MTSS1: variants seen among roughly 807,000 people sequenced by gnomAD.
MTSS1 encodes the protein MTSS I-BAR domain containing 1, also known as protein MTSS 1.
A neutral mutation model predicts 79.0 loss-of-function variants in MTSS1; 18 were observed. The ratio of observed to expected loss-of-function variants is 0.23; its 90% CI spans 0.16 to 0.34. The LOEUF (loss-of-function observed/expected upper bound fraction) is 0.34. Ranked by LOEUF, MTSS1 falls within the 10% of genes least tolerant of loss-of-function variation. The pLI is 1.00. For missense variants in MTSS1, 815 were observed against 986.2 expected (o/e 0.83, Z 2.33); for synonymous variants, 341 against 368.6 (o/e 0.93, Z 0.86).
intron 3 of MTSS1, among the ~76,000 whole-genome samples, chr8:124,623,123 A>G (rs1290032198): frequency 2.0e-5 from 3 of 152,242 alleles, no homozygotes; most frequent in Non-Finnish European, 4.4e-5. Flanking sequence ...AAGGATTCCA[A>G]TAAGAAGTCT....
chr8:124,703,276 GTTTTA>G (rs1420627236), intron 2 of MTSS1, among the ~76,000 whole-genome samples: 1 of 152,024 alleles, frequency 6.6e-6, no homozygotes, highest in East Asian at 1.9e-4. Flanking sequence ...TCAACACAAG[GTTTTA>G]TTTTATTTTA....
At chr8:124,612,440 G>C (rs748826041) in intron 3 of MTSS1, among the ~76,000 whole-genome samples, 14 of 152,200 alleles carry the variant, frequency 9.2e-5, no homozygotes, top group Non-Finnish European at 1.8e-4. Context: ...CAGTCCCTGA[G>C]ATGCTGGTTT....
At chr8:124,635,142 A>T (rs185933559) in intron 3 of MTSS1, among the ~76,000 whole-genome samples, 1 of 152,286 alleles carries the variant, frequency 6.6e-6, no homozygotes, top group Admixed American at 6.5e-5. Flanking sequence ...CCCTCCAAAC[A>T]TCACTTCCTT....
At chr8:124,620,700 C>G (rs1243064282) in intron 3 of MTSS1, among the ~76,000 whole-genome samples, 1 of 152,172 alleles carries the variant, frequency 6.6e-6, no homozygotes, top group Non-Finnish European at 1.5e-5. Flanking sequence ...TGACCACAGG[C>G]TGAGCACAGA....
intron 1 of MTSS1, among the ~76,000 whole-genome samples, chr8:124,706,134 T>C (rs1235238626): frequency 6.6e-6 from 1 of 152,246 alleles, no homozygotes; most frequent in Non-Finnish European, 1.5e-5. Context: ...GAGCACTCAT[T>C]ATAACAAGGA....
chr8:124,647,879 A>G (rs545705153), intron 3 of MTSS1, among the ~76,000 whole-genome samples: 1 of 152,226 alleles, frequency 6.6e-6, no homozygotes, highest in Non-Finnish European at 1.5e-5. Flanking sequence ...AGCCACCTAC[A>G]GGTCCCCATG....
At chr8:124,601,572 C>T (rs1833821632) in intron 3 of MTSS1, among the ~76,000 whole-genome samples, 1 of 152,218 alleles carries the variant, frequency 6.6e-6, no homozygotes, top group Non-Finnish European at 1.5e-5. Flanking sequence ...TCTCTCCTTC[C>T]TCTCAAGCCC....
intron 3 of MTSS1, among the ~76,000 whole-genome samples, chr8:124,618,171 T>C (rs1049356541): frequency 3.9e-5 from 6 of 152,180 alleles, no homozygotes; most frequent in Non-Finnish European, 5.9e-5. Context: ...AATGAGGTCA[T>C]GTGCCTCCAA....
intron 3 of MTSS1, among the ~76,000 whole-genome samples, chr8:124,661,824 C>A (rs545284242): frequency 1.3e-3 from 201 of 152,322 alleles, no homozygotes; most frequent in African/African-American, 4.7e-3. Context: ...ACATTCAGGA[C>A]CTGTCACACT....
At chr8:124,627,451 T>A (rs558003011) in intron 3 of MTSS1, among the ~76,000 whole-genome samples, 1 of 152,356 alleles carries the variant, frequency 6.6e-6, no homozygotes, top group South Asian at 2.1e-4. Flanking sequence ...AAGTTGCTGA[T>A]CCACAGTCAC....
intron 7 of MTSS1, chr8:124,567,700 C>T (rs774682177): frequency 8.0e-6 from 12 of 1,491,120 alleles, no homozygotes; most frequent in Middle Eastern, 3.5e-4. Context: ...AAGAAACATC[C>T]CATGTGCTTT....
intron 9 of MTSS1, 115 bp downstream of exon 9, chr8:124,565,547 A>G (rs1212157585): frequency 1.2e-6 from 1 of 851,638 alleles, no homozygotes; most frequent in African/African-American, 1.7e-5. Flanking sequence ...TCATCATCCC[A>G]TTTCCTGTTT....
chr8:124,699,640 T>G, intron 2 of MTSS1, 41 bp from the exon 3 acceptor site: 2 of 1,586,504 alleles, frequency 1.3e-6, no homozygotes, highest in Non-Finnish European at 1.7e-6. Context: ...GGAATGTCTC[T>G]CCCTAGCAAA....
In MTSS1 at chr8:124,667,246, C is replaced by A. The variant is rs560831463; in HGVS notation, c.208+32280G>T. Among the ~76,000 whole-genome samples the A allele has an allele frequency of 4.6e-5, 7 of 152,270 alleles. No homozygotes were observed. The South Asian group carries it at 1.4e-3, about 32-fold the overall frequency. On this transcript the variant is annotated intron_variant, in intron 3 of 13. Coordinates refer to ENST00000518547, the MANE Select transcript of MTSS1 (RefSeq NM_014751.6). Reference sequence around the variant, plus strand: ...CTGGGGCTGTGCATGGATTCTGGCACCCTCTCAGGGCAACTGTGAAAGCGC... The same window carrying A: ...CTGGGGCTGTGCATGGATTCTGGCAACCTCTCAGGGCAACTGTGAAAGCGC...
chr8:124,564,134 A>AAG (rs1035879066), intron 9 of MTSS1, among the ~76,000 whole-genome samples: 2 of 151,126 alleles, frequency 1.3e-5, no homozygotes, highest in African/African-American at 4.8e-5. Flanking sequence ...GATCTCAAAA[A>AAG]AAAAAAAAAA....
At chr8:124,677,654 A>G (rs1241816138) in intron 3 of MTSS1, among the ~76,000 whole-genome samples, 1 of 152,186 alleles carries the variant, frequency 6.6e-6, no homozygotes, top group Non-Finnish European at 1.5e-5. Context: ...CATGGATGCT[A>G]ACTTTTTAGG....
chr8:124,689,998 C>CGGT (rs1455948915), intron 3 of MTSS1, among the ~76,000 whole-genome samples: 34 of 152,154 alleles, frequency 2.2e-4, no homozygotes, highest in African/African-American at 6.3e-4. Context: ...ACAAAATGCA[C>CGGT]GGTGGCTCTG....
intron 3 of MTSS1, among the ~76,000 whole-genome samples, chr8:124,682,073 C>T (rs1465635217): frequency 6.6e-6 from 1 of 152,170 alleles, no homozygotes; most frequent in Non-Finnish European, 1.5e-5. Context: ...AAAAGTCACA[C>T]TGCAAAAAAG....
chr8:124,700,731 G>A (rs184567652), intron 2 of MTSS1, among the ~76,000 whole-genome samples: 18 of 152,168 alleles, frequency 1.2e-4, no homozygotes, highest in South Asian at 2.1e-4. Context: ...ATCATTCAGC[G>A]TAGTCAACAC....
Sources: allele counts gnomAD v4.1 joint callset (sites outside exome capture counted in the v4.1 genomes callset), GRCh38; gene constraint gnomAD v4.1.1; transcripts MANE v1.5; gene names NCBI Gene and HGNC (gene_info 2026-07-23, HGNC 2026-07-21).